The following ERBB4 variants were observed in gnomAD, a reference collection of about 807,000 sequenced individuals.
ERBB4 encodes receptor tyrosine-protein kinase erbB-4.
A neutral mutation model predicts 158.0 loss-of-function variants in ERBB4; 42 were observed. That is an observed-to-expected ratio of 0.27 (90% CI 0.21 to 0.34). The LOEUF is 0.34. Among genes scored for constraint, ERBB4 ranks in the 10% least tolerant of loss-of-function variants. ERBB4 has a pLI of 1.00. For missense variants in ERBB4, 1,333 were observed against 1,624.1 expected, an observed-to-expected ratio of 0.82 and a Z score of 3.08; for synonymous variants, 583 against 558.7, an observed-to-expected ratio of 1.04 and a Z score of -0.61.
intron 20 of ERBB4, among the ~76,000 whole-genome samples, chr2:211,490,797 A>C (rs957312232): frequency 6.6e-6 from 1 of 152,050 alleles, no homozygotes; most frequent in African/African-American, 2.4e-5. Flanking sequence ...GTACAGTTCT[A>C]TTAAATAGAG....
intron 1 of ERBB4, among the ~76,000 whole-genome samples, chr2:212,525,804 C>T (rs1692416048): frequency 6.6e-6 from 1 of 151,940 alleles, no homozygotes; most frequent in African/African-American, 2.4e-5. Context: ...ATTCTGTTGG[C>T]TCATCTGGCA....
At chr2:212,068,942 G>A (rs1008265228) in intron 2 of ERBB4, among the ~76,000 whole-genome samples, 2 of 152,000 alleles carry the variant, frequency 1.3e-5, no homozygotes, top group Admixed American at 1.3e-4. Flanking sequence ...TTGGAACTCA[G>A]GTTTGCTGAT....
At chr2:212,192,015 T>C (rs2082269873) in intron 1 of ERBB4, among the ~76,000 whole-genome samples, 1 of 43,368 alleles carries the variant, frequency 2.3e-5, no homozygotes, top group Non-Finnish European at 5.0e-5. Context: ...ATAATATATG[T>C]TATATGTTAT....
intron 20 of ERBB4, among the ~76,000 whole-genome samples, chr2:211,553,088 C>T (rs758219888): frequency 9.9e-5 from 15 of 151,966 alleles, no homozygotes; most frequent in Non-Finnish European, 1.6e-4. Context: ...CCTACCTCGA[C>T]CTCCTGAGTA....
intron 19 of ERBB4, among the ~76,000 whole-genome samples, chr2:211,617,347 C>T (rs1304014889): frequency 6.6e-6 from 1 of 151,872 alleles, no homozygotes; most frequent in African/African-American, 2.4e-5. Flanking sequence ...AAAAAATTTC[C>T]CTTCACAAAT....
chr2:212,445,542 T>G (rs1044401412), intron 1 of ERBB4, among the ~76,000 whole-genome samples: 2 of 152,152 alleles, frequency 1.3e-5, no homozygotes, highest in African/African-American at 4.8e-5. Flanking sequence ...GTTACAGTGT[T>G]GGCTGGGGTG....
intron 4 of ERBB4, among the ~76,000 whole-genome samples, chr2:211,774,660 C>G (rs551848741): frequency 5.3e-4 from 80 of 152,150 alleles, no homozygotes; most frequent in Non-Finnish European, 1.0e-3. Flanking sequence ...GCCTCTAATA[C>G]TGATAATGCT....
chr2:212,085,567 T>C (rs1475781545), intron 2 of ERBB4, among the ~76,000 whole-genome samples: 1 of 151,970 alleles, frequency 6.6e-6, no homozygotes, highest in East Asian at 1.9e-4. Flanking sequence ...TTAGGTCATC[T>C]ACTTTACATA....
intron 1 of ERBB4, among the ~76,000 whole-genome samples, chr2:212,316,456 T>C (rs2087284089): frequency 6.6e-6 from 1 of 151,542 alleles, no homozygotes; most frequent in South Asian, 2.1e-4. Flanking sequence ...CCCCCTTTTT[T>C]CCATCATCAA....
chr2:212,534,320 C>T (rs965897435), intron 1 of ERBB4, among the ~76,000 whole-genome samples: 4 of 152,154 alleles, frequency 2.6e-5, no homozygotes, highest in African/African-American at 9.7e-5. Context: ...CAATTCATTG[C>T]CTCACTAGCA....
At chr2:211,654,447 C>T (rs1369352141) in intron 16 of ERBB4, among the ~76,000 whole-genome samples, 2 of 152,166 alleles carry the variant, frequency 1.3e-5, no homozygotes, top group Non-Finnish European at 2.9e-5. Context: ...AATTATTGTA[C>T]TTAGAAGTTT....
chr2:212,075,460 G>A (rs547436373), intron 2 of ERBB4, among the ~76,000 whole-genome samples: 4 of 151,854 alleles, frequency 2.6e-5, no homozygotes, highest in South Asian at 2.1e-4. Context: ...AGCATTTCTC[G>A]GAATGGCTGG....
chr2:211,898,544 A>G (rs1418592722), intron 3 of ERBB4, among the ~76,000 whole-genome samples: 2 of 152,164 alleles, frequency 1.3e-5, no homozygotes, highest in African/African-American at 4.8e-5. Flanking sequence ...CGTCTATTCA[A>G]AAACCATTTT....
intron 2 of ERBB4, among the ~76,000 whole-genome samples, chr2:211,985,701 T>TAAAAAATAAA (rs1236357789): frequency 6.6e-6 from 1 of 151,918 alleles, no homozygotes; most frequent in East Asian, 1.9e-4. Flanking sequence ...TAATTTATTA[T>TAAAAAATAAA]TTTGGATATT....
chr2:211,798,477 A>G (rs192054789), intron 3 of ERBB4, among the ~76,000 whole-genome samples: 1 of 152,156 alleles, frequency 6.6e-6, no homozygotes, highest in African/African-American at 2.4e-5. Flanking sequence ...TTTCTTTTCT[A>G]CCATCTACAA....
intron 1 of ERBB4, among the ~76,000 whole-genome samples, chr2:212,530,173 C>A (rs1692674363): frequency 6.8e-6 from 1 of 146,064 alleles, no homozygotes; most frequent in Admixed American, 6.8e-5. Context: ...TAAAGAGGAT[C>A]TTGCAATAAC....
At chr2:212,478,831 T>G (rs1265371746) in intron 1 of ERBB4, among the ~76,000 whole-genome samples, 2 of 152,088 alleles carry the variant, frequency 1.3e-5, no homozygotes, top group African/African-American at 4.8e-5. Context: ...TCTCAAATAT[T>G]GTCAGAGACT....
intron 1 of ERBB4, among the ~76,000 whole-genome samples, chr2:212,460,568 C>T (rs1688521236): frequency 6.6e-6 from 1 of 152,118 alleles, no homozygotes; most frequent in Non-Finnish European, 1.5e-5. Flanking sequence ...TTTGCCCCTG[C>T]CCTAGAGATT....
intron 1 of ERBB4, among the ~76,000 whole-genome samples, chr2:212,527,101 C>A (rs1692488920): frequency 6.6e-6 from 1 of 151,936 alleles, no homozygotes; most frequent in African/African-American, 2.4e-5. Flanking sequence ...TCCAAACTGG[C>A]AGGGTTCCTT....
Sources: gnomAD v4.1 joint callset for allele counts (sites outside exome capture counted in the v4.1 genomes callset) on GRCh38, gnomAD v4.1.1 for gene constraint, MANE v1.5 for transcripts, NCBI Gene and HGNC (gene_info 2026-07-23, HGNC 2026-07-21) for gene names.